SERPINE3: variants seen among roughly 807,000 people sequenced by gnomAD.
The protein encoded by SERPINE3 is serpin family E member 3, also known as serpin E3.
Under a neutral mutation model 41.7 loss-of-function variants are expected in SERPINE3, and 43 were observed. The ratio of observed to expected loss-of-function variants is 1.03; its 90% CI spans 0.81 to 1.33. The LOEUF (loss-of-function observed/expected upper bound fraction) is 1.33, where lower values mean the gene tolerates loss of function less well. Among genes scored for constraint, SERPINE3 ranks in the 40% most tolerant of loss-of-function variants. SERPINE3 has a pLI of 0.00. For missense variants in SERPINE3, 440 were observed against 491.7 expected (o/e 0.89, Z 0.99); for synonymous variants, 200 against 192.2 (o/e 1.04, Z -0.34).
chr13:51,347,375 G>A (rs1045718500), intron 5 of SERPINE3, 141 bp downstream of exon 5: 18 of 719,542 alleles, frequency 2.5e-5, no homozygotes, highest in African/African-American at 3.5e-5. Context: ...CATGCATGGC[G>A]GAAGGAAAGA....
At chr13:51,353,568 T>A (rs1338472090) in intron 6 of SERPINE3, among the ~76,000 whole-genome samples, 1 of 152,210 alleles carries the variant, frequency 6.6e-6, no homozygotes, top group Non-Finnish European at 1.5e-5. Flanking sequence ...AACCACTGTT[T>A]CAGCATTTAG....
intron 3 of SERPINE3, 75 bp from the exon 4 acceptor site, chr13:51,344,177 A>T (rs751034762): frequency 9.7e-7 from 1 of 1,033,148 alleles, no homozygotes; most frequent in Non-Finnish European, 1.5e-6. Flanking sequence ...ATCTCAATGC[A>T]ATGTGTGCTG....
At chr13:51,351,072 C>G (rs1166695111) in intron 6 of SERPINE3, among the ~76,000 whole-genome samples, 1 of 152,090 alleles carries the variant, frequency 6.6e-6, no homozygotes, top group South Asian at 2.1e-4. Context: ...TGCCTAGACA[C>G]ATTTTGGCTT....
chr13:51,350,480 G>T (rs1328139077), intron 6 of SERPINE3, among the ~76,000 whole-genome samples: 2 of 152,154 alleles, frequency 1.3e-5, no homozygotes, highest in Non-Finnish European at 2.9e-5. Flanking sequence ...ATAGAAGGCT[G>T]AGCATGAGCA....
At chr13:51,348,120 C>T in intron 5 of SERPINE3, 93 bp from the exon 6 acceptor site, 2 of 954,744 alleles carry the variant, frequency 2.1e-6, no homozygotes, top group Non-Finnish European at 3.1e-6. Context: ...TTATTGTTTC[C>T]AGTCCTCTGA....
intron 5 of SERPINE3, among the ~76,000 whole-genome samples, 185 bp from the exon 6 acceptor site, chr13:51,348,028 C>T (rs760804958): frequency 1.9e-4 from 29 of 152,014 alleles, no homozygotes; most frequent in African/African-American, 6.5e-4. Flanking sequence ...GACTCTAGGT[C>T]TAGGATTTTT....
In SERPINE3 at chr13:51,347,014, C is replaced by T. The variant is rs771652780; in HGVS notation, c.491-11C>T. Reference sequence around the variant, plus strand: ...ATTTAACCCATGGCCACCTTGCTTTCCTGCTTGCAGGTGGGGGCCCCAGTG... The same window carrying T: ...ATTTAACCCATGGCCACCTTGCTTTTCTGCTTGCAGGTGGGGGCCCCAGTG... On this transcript the variant is annotated splice_polypyrimidine_tract_variant and intron_variant, in intron 4 of 9. Coordinates refer to ENST00000681248, the MANE Select transcript of SERPINE3 (RefSeq NM_001386375.1). The T allele has an allele frequency of 1.9e-6, 3 of 1,564,168 alleles. No individual in the cohort carries two copies. In the East Asian group the frequency reaches 7.1e-5, roughly 37 times the overall value.
At chr13:51,356,406 T>C (rs944999313) in intron 7 of SERPINE3, among the ~76,000 whole-genome samples, 12 of 152,196 alleles carry the variant, frequency 7.9e-5, no homozygotes, top group African/African-American at 2.9e-4. Flanking sequence ...ATTCTATGTT[T>C]GATAATGTGC....
chr13:51,341,553 G>A (rs1385055753), intron 3 of SERPINE3, among the ~76,000 whole-genome samples: 1 of 152,222 alleles, frequency 6.6e-6, no homozygotes, highest in African/African-American at 2.4e-5. Context: ...ACATGGGGAA[G>A]AGTGATCACT....
At chr13:51,355,456 C>T (rs1955467181) in intron 7 of SERPINE3, among the ~76,000 whole-genome samples, 1 of 152,148 alleles carries the variant, frequency 6.6e-6, no homozygotes, top group African/African-American at 2.4e-5. Flanking sequence ...GGCATTGCTG[C>T]AGCAATAGAT....
rs1209273262 is a variant in SERPINE3 at position 51,361,298 on chromosome 13, T to C, written c.1021T>C (p.Ser341Pro). 3.7e-6 allele frequency: 6 copies of C among 1,609,620 alleles called. No homozygotes were observed. The highest frequency in any genetic ancestry group is 8.5e-7 in the Non-Finnish European group (1 of 1,177,326). Residue 341 changes from serine to proline, a missense_variant, in exon 8 of 10, where the codon TCT becomes CCT. Physicochemically the swap from Ser to Pro is moderately conservative, Grantham distance 74. Transcript: ENST00000681248. ...GISGQDGFYV[S>P]EAIHKAKIEV... ...GTTAGGCCAAGATGGCTTTTATGTT[T>C]CTGAAGCAATCCACAAGGCCAAGAT... is the stretch of plus-strand genomic sequence containing the variant.
In SERPINE3 at chr13:51,364,394, T is replaced by G; in HGVS notation, c.*112T>G. 1 of 562,828 alleles carries G rather than the reference T, an allele frequency of 1.8e-6. No individual in the cohort carries two copies. The highest frequency in any genetic ancestry group is 3.0e-6 in the Non-Finnish European group (1 of 335,972). The allele number at this position is 562,828 out of a possible 1,614,324, so 34.9% of individuals were successfully genotyped here. On this transcript the variant is annotated 3_prime_UTR_variant, in exon 10 of 10. Coordinates refer to ENST00000681248, the MANE Select transcript of SERPINE3 (RefSeq NM_001386375.1). The stretch of plus-strand genomic sequence containing the variant: ...GATAAAGTGTAAAAAGCTAAGGGTA[T>G]GTGATTTTCAATATTATAAACCTAA...
At position 51,364,328 on chromosome 13, in the gene SERPINE3, A is replaced by G; in HGVS notation, c.*46A>G. On this transcript the variant is annotated 3_prime_UTR_variant, in exon 10 of 10. Coordinates refer to ENST00000681248, the MANE Select transcript of SERPINE3 (RefSeq NM_001386375.1). Reference sequence around the variant, plus strand: ...TCAATGCTTTTCTTCATAAAGTTATAATTTCATTTTGCTATACCCTTGAAA... The same window carrying G: ...TCAATGCTTTTCTTCATAAAGTTATGATTTCATTTTGCTATACCCTTGAAA... The G allele has an allele frequency of 8.6e-7, 1 of 1,166,994 alleles. No homozygotes were observed. Among genetic ancestry groups the G allele is most frequent in the Non-Finnish European group, 1.2e-6 (1 of 833,632 alleles). The allele number at this position is 1,166,994 out of a possible 1,614,324, so 72.3% of individuals were successfully genotyped here. A position where few individuals can be genotyped will look rare whatever the true frequency, so the allele number is the denominator to read the frequency against.
intron 4 of SERPINE3, among the ~76,000 whole-genome samples, chr13:51,344,848 C>T (rs747150674): frequency 6.6e-6 from 1 of 152,168 alleles, no homozygotes; most frequent in Non-Finnish European, 1.5e-5. Context: ...TAATAAACCA[C>T]CTGTGATGGC....
chr13:51,342,573 C>T (rs1056342241), intron 3 of SERPINE3, among the ~76,000 whole-genome samples: 14 of 152,140 alleles, frequency 9.2e-5, no homozygotes, highest in Non-Finnish European at 2.1e-4. Flanking sequence ...ACAAACTAGG[C>T]TAGGGCAGAG....
chr13:51,360,619 A>G (rs1566197407), intron 7 of SERPINE3, among the ~76,000 whole-genome samples: 1 of 152,092 alleles, frequency 6.6e-6, no homozygotes, highest in Non-Finnish European at 1.5e-5. Flanking sequence ...GTTAGCACAT[A>G]GAACATTTAT....
intron 3 of SERPINE3, 46 bp downstream of exon 3, chr13:51,341,393 A>G (rs1955289678): frequency 6.6e-7 from 1 of 1,515,440 alleles, no homozygotes. Flanking sequence ...TCCTGTTCAC[A>G]CTCACACTCT....
At chr13:51,341,452 C>A in intron 3 of SERPINE3, 105 bp downstream of exon 3, 2 of 1,128,240 alleles carry the variant, frequency 1.8e-6, no homozygotes, top group Non-Finnish European at 2.5e-6. Context: ...CTCCAGCTTA[C>A]CCTGCTGCTC....
intron 4 of SERPINE3, among the ~76,000 whole-genome samples, chr13:51,346,274 T>G (rs561854329): frequency 1.4e-3 from 209 of 152,308 alleles, no homozygotes; most frequent in Middle Eastern, 0.014. Flanking sequence ...GAATATTGTT[T>G]TCTAAGCAAA....
Sources: gnomAD v4.1 joint callset for allele counts (sites outside exome capture counted in the v4.1 genomes callset) on GRCh38, gnomAD v4.1.1 for gene constraint, MANE v1.5 for transcripts, NCBI Gene and HGNC (gene_info 2026-07-23, HGNC 2026-07-21) for gene names.